MCPH1: variants seen among roughly 807,000 people sequenced by gnomAD.
The protein encoded by MCPH1 is microcephalin.
Under a neutral mutation model 84.5 loss-of-function variants are expected in MCPH1, and 104 were observed. That is an observed-to-expected ratio of 1.23 (90% CI 1.05 to 1.45). The LOEUF is 1.45. Among genes scored for constraint, MCPH1 ranks in the 40% most tolerant of loss-of-function variants. MCPH1 has a pLI of 0.00. For synonymous variants in MCPH1, 514 were observed against 366.8 expected (o/e 1.40, Z -4.58); for missense variants, 1,498 against 1,005.7 (o/e 1.49, Z -6.62).
intron 3 of MCPH1, among the ~76,000 whole-genome samples, chr8:6,430,954 G>C (rs1036917901): frequency 1.3e-5 from 2 of 152,220 alleles, no homozygotes; most frequent in Admixed American, 6.5e-5. Flanking sequence ...AAGGTGGACA[G>C]GAGAAATGGC....
chr8:6,511,723 C>G (rs1464771299), intron 12 of MCPH1, among the ~76,000 whole-genome samples: 1 of 152,054 alleles, frequency 6.6e-6, no homozygotes, highest in Non-Finnish European at 1.5e-5. Context: ...AAGCTTTAAA[C>G]CAATGTGTGT....
intron 11 of MCPH1, among the ~76,000 whole-genome samples, chr8:6,481,933 T>C (rs1447963711): frequency 6.6e-6 from 1 of 152,216 alleles, no homozygotes; most frequent in Non-Finnish European, 1.5e-5. Flanking sequence ...AAAATAACAA[T>C]TTATAAGTCT....
rs546133734 is a variant in MCPH1 at position 6,577,805 on chromosome 8, G to A, written c.2215-43649G>A. On this transcript the variant is annotated intron_variant, in intron 12 of 13. Coordinates refer to ENST00000344683, the MANE Select transcript of MCPH1 (RefSeq NM_024596.5). The stretch of plus-strand genomic sequence containing the variant: ...TTAAGGAATCTTCAATGACCTTGTA[G>A]CCTAGAAAGACCTTTAGTAATTCTT... 1.2e-4 allele frequency among the ~76,000 whole-genome samples: 18 copies of A among 152,328 alleles called. No homozygotes were observed. In the South Asian group the frequency reaches 1.4e-3, roughly 12 times the overall value.
In MCPH1 at chr8:6,609,662, T is replaced by G. The variant is rs909625854; in HGVS notation, c.2215-11792T>G. 3.9e-5 allele frequency among the ~76,000 whole-genome samples: 6 copies of G among 152,238 alleles called. No individual in the cohort carries two copies. In the South Asian group the frequency reaches 6.2e-4, roughly 16 times the overall value. On this transcript the variant is annotated intron_variant, in intron 12 of 13. Transcript: ENST00000344683. ...AAAGCTAAGCCGGGAGCGATTATCC[T>G]GATGCGCTTTTACTTTTTGCATAAA...
chr8:6,641,544 G>T (rs751526702), intron 13 of MCPH1, among the ~76,000 whole-genome samples: 23 of 152,166 alleles, frequency 1.5e-4, no homozygotes, highest in African/African-American at 5.6e-4. Context: ...AGGAGTTCGA[G>T]ATCAGCCTGG....
intron 12 of MCPH1, among the ~76,000 whole-genome samples, chr8:6,518,409 C>A (rs1364934938): frequency 6.6e-6 from 1 of 152,162 alleles, no homozygotes; most frequent in Non-Finnish European, 1.5e-5. Flanking sequence ...TTGTTCCCTT[C>A]CTTCCCTGTT....
chr8:6,539,211 A>G (rs1821070048), intron 12 of MCPH1, among the ~76,000 whole-genome samples: 3 of 152,248 alleles, frequency 2.0e-5, no homozygotes, highest in Admixed American at 1.3e-4. Context: ...CAGTACCCAC[A>G]GTGAGAGGTG....
At chr8:6,573,120 G>C (rs1469622345) in intron 12 of MCPH1, among the ~76,000 whole-genome samples, 3 of 152,216 alleles carry the variant, frequency 2.0e-5, no homozygotes, top group African/African-American at 4.8e-5. Flanking sequence ...GGGTGAGTCG[G>C]AGATGCGGTC....
At chr8:6,569,019 T>C (rs1268682951) in intron 12 of MCPH1, among the ~76,000 whole-genome samples, 1 of 152,194 alleles carries the variant, frequency 6.6e-6, no homozygotes, top group African/African-American at 2.4e-5. Flanking sequence ...CCTGGCACAC[T>C]AAGCTGGGAG....
chr8:6,474,804 G>A (rs537381630), intron 9 of MCPH1, among the ~76,000 whole-genome samples: 1 of 152,234 alleles, frequency 6.6e-6, no homozygotes, highest in Admixed American at 6.5e-5. Flanking sequence ...TTTGAGACCA[G>A]CCTTGGTGAC....
At chr8:6,622,059 C>A (rs1020192411) in intron 13 of MCPH1, 1 of 366,374 alleles carries the variant, frequency 2.7e-6, no homozygotes, top group Admixed American at 3.4e-5. Flanking sequence ...CTTCAGGAGT[C>A]CCTGGCAGCG....
At chr8:6,490,423 AGG>A (rs1810431176) in intron 11 of MCPH1, among the ~76,000 whole-genome samples, 5 of 152,290 alleles carry the variant, frequency 3.3e-5, no homozygotes, top group African/African-American at 1.2e-4. Flanking sequence ...TGTTATTTCA[AGG>A]CTTCTAAACT....
chr8:6,453,749 G>A (rs563004121), intron 8 of MCPH1, among the ~76,000 whole-genome samples: 2 of 152,146 alleles, frequency 1.3e-5, no homozygotes, highest in Non-Finnish European at 2.9e-5. Flanking sequence ...TTGCATTCAT[G>A]TTCTACCCCG....
chr8:6,631,056 G>A (rs3020264), intron 13 of MCPH1, among the ~76,000 whole-genome samples: 36,219 of 152,076 alleles, frequency 0.24, 4,481 homozygotes, highest in Non-Finnish European at 0.28. Flanking sequence ...AAATGCATAC[G>A]GCAACCAGGC....
intron 12 of MCPH1, among the ~76,000 whole-genome samples, chr8:6,525,381 C>T (rs1008858687): frequency 6.6e-6 from 1 of 152,068 alleles, no homozygotes; most frequent in African/African-American, 2.4e-5. Context: ...AGGTGTGTGC[C>T]ACCACATCTG....
At position 6,433,750 on chromosome 8, in the gene MCPH1, C is replaced by G. The variant is rs900620586; in HGVS notation, c.321+2164C>G. The stretch of plus-strand genomic sequence containing the variant: ...TAATGATTGCTTGTACACTTTACCA[C>G]TTTAATTTTCATGTCTAAAAACCTT... On this transcript the variant is annotated intron_variant, in intron 4 of 13. Coordinates refer to ENST00000344683, the MANE Select transcript of MCPH1 (RefSeq NM_024596.5). 2.0e-5 allele frequency among the ~76,000 whole-genome samples: 3 copies of G among 151,588 alleles called. No individual in the cohort carries two copies. The South Asian group carries it at 6.3e-4, about 32-fold the overall frequency.
chr8:6,634,357 A>G (rs924569141), intron 13 of MCPH1, among the ~76,000 whole-genome samples: 1 of 152,224 alleles, frequency 6.6e-6, no homozygotes, highest in Non-Finnish European at 1.5e-5. Flanking sequence ...GATTATCGCT[A>G]ATGAAAATCT....
intron 1 of MCPH1, among the ~76,000 whole-genome samples, chr8:6,407,517 A>T (rs1797912115): frequency 6.6e-6 from 1 of 152,088 alleles, no homozygotes; most frequent in South Asian, 2.1e-4. Context: ...AGGAGAGGGG[A>T]ATAGCGGACA....
chr8:6,435,943 T>C, intron 4 of MCPH1, 105 bp from the exon 5 acceptor site: 5 of 1,375,374 alleles, frequency 3.6e-6, no homozygotes, highest in Non-Finnish European at 2.0e-6. Context: ...TAGAATTTTT[T>C]ATTACTGATG....
Sources: gnomAD v4.1 joint callset for allele counts (sites outside exome capture counted in the v4.1 genomes callset) on GRCh38, gnomAD v4.1.1 for gene constraint, MANE v1.5 for transcripts, NCBI Gene and HGNC (gene_info 2026-07-23, HGNC 2026-07-21) for gene names.